The following MAP2K2 variants were observed in gnomAD, a reference collection of about 807,000 sequenced individuals.
The protein encoded by MAP2K2 is dual specificity mitogen-activated protein kinase kinase 2.
Under a neutral mutation model 43.7 loss-of-function variants are expected in MAP2K2, and 24 were observed. The observed-to-expected ratio is 0.55, with a 90% confidence interval of 0.40 to 0.77. The LOEUF (loss-of-function observed/expected upper bound fraction) is 0.77, where lower values mean the gene tolerates loss of function less well. Ranked by LOEUF, MAP2K2 falls within the 30% of genes least tolerant of loss-of-function variation. The pLI is 0.00. For missense variants in MAP2K2, 470 were observed against 566.8 expected, an observed-to-expected ratio of 0.83 and a Z score of 1.73; for synonymous variants, 244 against 239.7, an observed-to-expected ratio of 1.02 and a Z score of -0.17.
At chr19:4,123,718 C>A in intron 1 of MAP2K2, 66 bp downstream of exon 1, 1 of 1,295,550 alleles carries the variant, frequency 7.7e-7, no homozygotes, top group Admixed American at 2.2e-5. Flanking sequence ...TCCCCTCGCC[C>A]CGTCCTTCCC....
Position 4,115,136 on chromosome 19 carries a change from G to A in MAP2K2, c.303+2283C>T, listed in dbSNP as rs947244050. Among the ~76,000 whole-genome samples the A allele has an allele frequency of 1.3e-5, 2 of 151,980 alleles. No individual in the cohort carries two copies. Among genetic ancestry groups the A allele is most frequent in the Non-Finnish European group, 2.9e-5 (2 of 67,996 alleles). ...TTGCAAAAATAGTAACGAGAGTCCC[G>A]TGCGCCCTTTCCCCGCCTCCCCCAA... On this transcript the variant is annotated intron_variant, in intron 2 of 10. Coordinates refer to ENST00000262948, the MANE Select transcript of MAP2K2 (RefSeq NM_030662.4). This position sits in a 1 kb window ranked among gnomAD's most constrained non-coding sequence, Gnocchi z 4.1.
chr19:4,121,933 C>T (rs2041302702), intron 1 of MAP2K2, among the ~76,000 whole-genome samples: 1 of 133,830 alleles, frequency 7.5e-6, no homozygotes, highest in South Asian at 2.6e-4. Context: ...GCCCCCTGTC[C>T]TCCCCTCTCT....
chr19:4,120,759 C>T (rs1158745831), intron 1 of MAP2K2, among the ~76,000 whole-genome samples: 1 of 152,170 alleles, frequency 6.6e-6, no homozygotes, highest in Non-Finnish European at 1.5e-5. Context: ...CAAAACAAAA[C>T]CTTGGCGTCC....
At chr19:4,094,625 G>A in intron 9 of MAP2K2, 127 bp from the exon 10 acceptor site, 1 of 815,992 alleles carries the variant, frequency 1.2e-6, no homozygotes, top group South Asian at 1.5e-5. Flanking sequence ...CGACCAGAGA[G>A]AGTGGCACAG....
intron 1 of MAP2K2, among the ~76,000 whole-genome samples, chr19:4,123,050 T>TCCCTACTCAGGGTCTC (rs561184129): frequency 1.6e-3 from 247 of 150,140 alleles, no homozygotes; most frequent in African/African-American, 5.9e-3. Context: ...CACCCCGATT[T>TCCCTACTCAGGGTCTC]CCCTACTCAG....
In MAP2K2 at chr19:4,099,168, G is replaced by A. The variant is rs376075475; in HGVS notation, c.919+33C>T. ...GCAGGCCCCGCGCAGGGCACTGCGC[G>A]TCCAGACCGGAAGTTGCAGATTCAG... is the stretch of plus-strand genomic sequence containing the variant. On this transcript the variant is annotated intron_variant, in intron 7 of 10. Coordinates refer to ENST00000262948, the MANE Select transcript of MAP2K2 (RefSeq NM_030662.4). 335 of 1,566,614 alleles carry A rather than the reference G, an allele frequency of 2.1e-4. 2 individuals are homozygous for A. The African/African-American group carries it at 4.0e-3, about 19-fold the overall frequency.
rs757966781 is a variant in MAP2K2 at position 4,117,351 on chromosome 19, AC to A, written c.303+67del. ...ATGCAGAGACCCGGCTGCCTTCCCA[AC>A]CTGCCTCCTGTTTCCAGGGGGACCT... On this transcript the variant is annotated intron_variant, in intron 2 of 10. Coordinates refer to ENST00000262948, the MANE Select transcript of MAP2K2 (RefSeq NM_030662.4). 1.1e-3 allele frequency: 1,578 copies of A among 1,488,010 alleles called. 5 individuals carry two copies. Among genetic ancestry groups the A allele is most frequent in the South Asian group, 2.5e-3 (216 of 86,296 alleles). 92.2% of individuals were successfully genotyped at this position (1,488,010 alleles called of 1,614,324 possible). A position where few individuals can be genotyped will look rare whatever the true frequency, so the allele number is the denominator to read the frequency against.
chr19:4,099,971 C>CT (rs1263525602), intron 6 of MAP2K2: 1 of 169,260 alleles, frequency 5.9e-6, no homozygotes, highest in Non-Finnish European at 1.3e-5. Flanking sequence ...CCAAGGCTGC[C>CT]GGGCACGGTG....
chr19:4,123,546 TCCGAGGGCCCCCTGCCCCGTCCTCCC>T lies in MAP2K2; in HGVS notation c.92+212_92+237del, dbSNP rs757105280. 0.29 allele frequency among the ~76,000 whole-genome samples: 18,223 copies of T among 62,916 alleles called. 2,730 individuals are homozygous for T. The highest frequency in any genetic ancestry group is 0.46 in the African/African-American group (5,599 of 12,292). 41.3% of individuals were successfully genotyped at this position (62,916 alleles called of 152,430 possible). On this transcript the variant is annotated intron_variant, in intron 1 of 10. Coordinates refer to ENST00000262948, the MANE Select transcript of MAP2K2 (RefSeq NM_030662.4). ...GCCCCGTGCACCCTTCGCCCCGTCC[TCCGAGGGCCCCCTGCCCCGTCCTCCC>T]CCGAGGGCCCCCTGCCCCGTCCTCC...
rs752239250 is a variant in MAP2K2 at position 4,112,561 on chromosome 19, A to G, written c.304-1906T>C. On this transcript the variant is annotated intron_variant, in intron 2 of 10. Transcript: ENST00000262948. ...CTGCTCTAGGCCTGTGACCTTGAGA[A>G]GCATGGCAGGGCCCGGGGCACGGTG... Among the ~76,000 whole-genome samples the G allele has an allele frequency of 4.4e-4, 67 of 152,266 alleles. 1 individual carries two copies. The highest frequency in any genetic ancestry group is 6.8e-3 in the Middle Eastern group (2 of 294).
intron 6 of MAP2K2, 56 bp downstream of exon 6, chr19:4,100,963 G>A (rs2145053426): frequency 6.5e-7 from 1 of 1,546,454 alleles, no homozygotes; most frequent in Non-Finnish European, 8.7e-7. Flanking sequence ...GGTGGGGAGA[G>A]CTTGGGGGAG....
Position 4,101,339 on chromosome 19 carries a change from G to C in MAP2K2, c.529-59C>G. On this transcript the variant is annotated intron_variant, in intron 4 of 10. Coordinates refer to ENST00000262948, the MANE Select transcript of MAP2K2 (RefSeq NM_030662.4). The surrounding 1 kb of genome is among the most constrained non-coding windows in gnomAD (Gnocchi z 6.3). Reference sequence around the variant, plus strand: ...GGCCACCAGGGCTTAGCTCCTGACCGAGCCCGGGGGTCAGAGCTGAGCAGT... The same window carrying C: ...GGCCACCAGGGCTTAGCTCCTGACCCAGCCCGGGGGTCAGAGCTGAGCAGT... The C allele has an allele frequency of 6.6e-7, 1 of 1,526,560 alleles. No homozygotes were observed. 94.6% of individuals were successfully genotyped at this position (1,526,560 alleles called of 1,614,324 possible). A position where few individuals can be genotyped will look rare whatever the true frequency, so the allele number is the denominator to read the frequency against.
At chr19:4,097,155 C>T in intron 8 of MAP2K2, 124 bp downstream of exon 8, 1 of 723,088 alleles carries the variant, frequency 1.4e-6, no homozygotes, top group Non-Finnish European at 2.2e-6. Context: ...GAAGGCACCA[C>T]TGTACTCCAG....
In MAP2K2 at chr19:4,101,136, C is replaced by A. The variant is rs2145054531; in HGVS notation, c.588G>T (p.Lys196Asn). Residue 196 changes from lysine to asparagine, a missense_variant, in exon 6 of 11, where the codon AAG (lysine) becomes AAT (asparagine). Coordinates refer to ENST00000262948, the MANE Select transcript of MAP2K2 (RefSeq NM_030662.4). The surrounding 1 kb of genome is among the most constrained non-coding windows in gnomAD (Gnocchi z 6.3). ...TAGAGTTCACGAGGATGTTGGAGGG[C>A]TTCACATCTGGAGGCGGCAGGCTGC... ...EKHQIMHRDV[K>N]PSNILVNSRG... The A allele has an allele frequency of 6.2e-7, 1 of 1,607,996 alleles. No homozygotes were observed. Among genetic ancestry groups the A allele is most frequent in the Non-Finnish European group, 8.5e-7 (1 of 1,177,428 alleles).
At chr19:4,118,319 G>A (rs796591046) in intron 1 of MAP2K2, among the ~76,000 whole-genome samples, 36 of 151,372 alleles carry the variant, frequency 2.4e-4, no homozygotes, top group African/African-American at 8.7e-4. Context: ...ACGGAGCCCG[G>A]GCCAAGATGT....
intron 8 of MAP2K2, among the ~76,000 whole-genome samples, chr19:4,095,867 G>A (rs143568255): frequency 0.018 from 2,693 of 152,250 alleles, 75 homozygotes; most frequent in African/African-American, 0.062. Flanking sequence ...CTCCACCTCC[G>A]GGGTTCAAGG....
intron 1 of MAP2K2, among the ~76,000 whole-genome samples, chr19:4,120,594 G>A (rs946069793): frequency 6.6e-5 from 10 of 152,222 alleles, no homozygotes; most frequent in Non-Finnish European, 1.0e-4. Context: ...TGGGATTACA[G>A]GCGTGAGCCA....
intron 1 of MAP2K2, among the ~76,000 whole-genome samples, chr19:4,120,392 C>A (rs1164120237): frequency 6.6e-6 from 1 of 152,230 alleles, no homozygotes; most frequent in South Asian, 2.1e-4. Context: ...CAGCTCACTG[C>A]AACCTCTGCC....
chr19:4,097,813 A>G (rs1292265127), intron 7 of MAP2K2, among the ~76,000 whole-genome samples: 1 of 152,180 alleles, frequency 6.6e-6, no homozygotes, highest in Non-Finnish European at 1.5e-5. Flanking sequence ...CCAGCTGGCC[A>G]GGCCTGGGCT....
Sources: gnomAD v4.1 joint callset for allele counts (sites outside exome capture counted in the v4.1 genomes callset) on GRCh38, gnomAD v4.1.1 for gene constraint, Gnocchi (gnomAD v3.1) non-coding constraint, MANE v1.5 for transcripts, NCBI Gene and HGNC (gene_info 2026-07-23, HGNC 2026-07-21) for gene names.